NPAS3: variants seen among roughly 807,000 people sequenced by gnomAD.
NPAS3 encodes the protein neuronal PAS domain protein 3.
A neutral mutation model predicts 73.1 loss-of-function variants in NPAS3; 14 were observed. The ratio of observed to expected loss-of-function variants is 0.19; its 90% CI spans 0.13 to 0.30. The LOEUF is 0.30. Ranked by LOEUF, NPAS3 falls within the 10% of genes least tolerant of loss-of-function variation. NPAS3 has a pLI of 1.00. For synonymous variants in NPAS3, 620 were observed against 541.5 expected (o/e 1.14, Z -2.01); for missense variants, 1,096 against 1,250.0 (o/e 0.88, Z 1.86).
Position 33,614,044 on chromosome 14 carries a change from C to T in NPAS3, c.558+53834C>T, listed in dbSNP as rs184762225. Reference sequence around the variant, plus strand: ...TGGGAAGTTTTCATGAGATCCATCACGAAACTGAATTATGCAAGCTCTTTC... The same window carrying T: ...TGGGAAGTTTTCATGAGATCCATCATGAAACTGAATTATGCAAGCTCTTTC... On this transcript the variant is annotated intron_variant, in intron 5 of 11. Coordinates refer to ENST00000356141, the Ensembl canonical transcript of NPAS3. Among the ~76,000 whole-genome samples the T allele has an allele frequency of 5.9e-5, 9 of 152,244 alleles. No individual in the cohort carries two copies. In the South Asian group the frequency reaches 1.0e-3, roughly 18 times the overall value.
At chr14:33,500,647 T>G (rs1259672199) in intron 4 of NPAS3, among the ~76,000 whole-genome samples, 1 of 151,954 alleles carries the variant, frequency 6.6e-6, no homozygotes, top group African/African-American at 2.4e-5. Flanking sequence ...GATTCTTGTC[T>G]GGCTTGGATG....
intron 1 of NPAS3, among the ~76,000 whole-genome samples, chr14:33,049,937 C>T (rs1187980021): frequency 6.6e-6 from 1 of 152,162 alleles, no homozygotes. Flanking sequence ...CCAAGTTGCC[C>T]TCTTAGTTTT....
At chr14:33,617,288 G>C (rs1425635302) in intron 5 of NPAS3, among the ~76,000 whole-genome samples, 2 of 152,182 alleles carry the variant, frequency 1.3e-5, no homozygotes, top group East Asian at 3.8e-4. Flanking sequence ...TCCATTTACT[G>C]ACTCATAGCA....
intron 3 of NPAS3, among the ~76,000 whole-genome samples, chr14:33,287,742 A>G (rs1303407868): frequency 6.6e-6 from 1 of 152,154 alleles, no homozygotes; most frequent in Non-Finnish European, 1.5e-5. Context: ...AGAGCTAATA[A>G]TTCATTTTCT....
exon 12 of NPAS3, chr14:33,801,103 G>C (rs1414141630): frequency 6.3e-7 from 1 of 1,581,452 alleles, no homozygotes; most frequent in African/African-American, 1.3e-5. Context: ...AGCGCAAGGA[G>C]GACTGAGGCG....
At chr14:33,427,578 TG>T (rs2048608845) in intron 4 of NPAS3, among the ~76,000 whole-genome samples, 1 of 151,808 alleles carries the variant, frequency 6.6e-6, no homozygotes, top group Admixed American at 6.6e-5. Flanking sequence ...ACATTCACGA[TG>T]GGAGTAGAGC....
At chr14:33,683,840 C>T (rs993491828) in intron 6 of NPAS3, among the ~76,000 whole-genome samples, 6 of 152,214 alleles carry the variant, frequency 3.9e-5, no homozygotes, top group South Asian at 2.1e-4. Flanking sequence ...TTAGCAACAA[C>T]GCTTACCCAG....
chr14:33,326,199 G>T (rs779167431), intron 3 of NPAS3, among the ~76,000 whole-genome samples: 3 of 152,082 alleles, frequency 2.0e-5, no homozygotes, highest in Non-Finnish European at 2.9e-5. Flanking sequence ...ACAGAGACAG[G>T]GCTCATCCAT....
intron 1 of NPAS3, among the ~76,000 whole-genome samples, chr14:32,983,018 A>T (rs574255339): frequency 6.6e-6 from 1 of 152,344 alleles, no homozygotes; most frequent in South Asian, 2.1e-4. Context: ...TTAAGTGAAG[A>T]TGAAAGGAAA....
chr14:33,788,439 C>A (rs1455833019), intron 9 of NPAS3, among the ~76,000 whole-genome samples: 1 of 152,206 alleles, frequency 6.6e-6, no homozygotes, highest in Non-Finnish European at 1.5e-5. Flanking sequence ...CCATGTCTTG[C>A]AGCTTTTTAA....
chr14:33,223,280 C>T, intron 3 of NPAS3, among the ~76,000 whole-genome samples: 1 of 152,156 alleles, frequency 6.6e-6, no homozygotes, highest in Non-Finnish European at 1.5e-5. Context: ...CTCTTCATTC[C>T]AGCCTGGACA....
At chr14:33,498,935 A>AGTGTGTGTGTGTGTGTGTGTGTGTGTGT (rs3058422) in intron 4 of NPAS3, among the ~76,000 whole-genome samples, 3 of 94,898 alleles carry the variant, frequency 3.2e-5, no homozygotes, top group Admixed American at 3.1e-4. Context: ...ACAGAGAGAG[A>AGTGTGTGTGTGTGTGTGTGTGTGTGTGT]GTGTGTGTGT....
intron 3 of NPAS3, among the ~76,000 whole-genome samples, chr14:33,295,401 G>T (rs752300196): frequency 6.6e-6 from 1 of 152,088 alleles, no homozygotes; most frequent in South Asian, 2.1e-4. Context: ...TGTGTACTCC[G>T]CATGCTGGCT....
At position 32,967,807 on chromosome 14, in the gene NPAS3, C is replaced by T. The variant is rs541554947; in HGVS notation, c.50+28441C>T. ...CCTAAAAAATAAAAAACGGTAGTAT[C>T]ATATGATCCAACAATTCTAGTTCTG... On this transcript the variant is annotated intron_variant, in intron 1 of 11. Transcript: ENST00000356141. Among the ~76,000 whole-genome samples, 8 of 151,906 alleles carry T rather than the reference C, an allele frequency of 5.3e-5. No homozygotes were observed. In the South Asian group the frequency reaches 1.2e-3, roughly 24 times the overall value.
intron 3 of NPAS3, among the ~76,000 whole-genome samples, chr14:33,330,123 G>A (rs1213289518): frequency 2.0e-5 from 3 of 151,964 alleles, no homozygotes; most frequent in South Asian, 2.1e-4. Flanking sequence ...CGTGTCTGTA[G>A]TCCCAGCTAT....
At chr14:33,215,347 A>C (rs1158553157) in exon 3 of NPAS3, 22 of 1,604,928 alleles carry the variant, frequency 1.4e-5, no homozygotes, top group Non-Finnish European at 1.9e-5. Flanking sequence ...GCTATCTGAA[A>C]ATGAGGGACT....
chr14:32,964,448 G>A (rs1054452438), intron 1 of NPAS3, among the ~76,000 whole-genome samples: 14 of 152,030 alleles, frequency 9.2e-5, no homozygotes, highest in African/African-American at 2.2e-4. Context: ...CAAACTGTGC[G>A]GAACTCTCAA....
intron 1 of NPAS3, among the ~76,000 whole-genome samples, chr14:33,033,690 A>C (rs988699496): frequency 1.3e-5 from 2 of 152,082 alleles, no homozygotes. Context: ...TCACATAATA[A>C]TGATACCTTC....
chr14:33,250,011 T>C (rs2048525076), intron 3 of NPAS3, among the ~76,000 whole-genome samples: 1 of 151,998 alleles, frequency 6.6e-6, no homozygotes, highest in Non-Finnish European at 1.5e-5. Context: ...GCAGAGCATT[T>C]GCTACAAACA....
Sources: gnomAD v4.1 joint callset for allele counts (sites outside exome capture counted in the v4.1 genomes callset) on GRCh38, gnomAD v4.1.1 for gene constraint, MANE v1.5 for transcripts, NCBI Gene and HGNC (gene_info 2026-07-23, HGNC 2026-07-21) for gene names.